The following MTCL2 variants were observed in gnomAD, a reference collection of about 807,000 sequenced individuals.
MTCL2 encodes microtubule crosslinking factor 2, also known as microtubule cross-linking factor 2.
At chr20:36,814,364 A>T in the MTCL2 span, among the ~76,000 whole-genome samples, 3 of 152,232 alleles carry the variant, frequency 2.0e-5, no homozygotes, top group African/African-American at 7.2e-5. Flanking sequence ...TATATGATAG[A>T]TGTGTAGAGA....
At chr20:36,793,503 T>A in the MTCL2 span, 1 of 1,551,732 alleles carries the variant, frequency 6.4e-7, no homozygotes, top group Middle Eastern at 1.7e-4. The surrounding 1 kb of genome is among the most constrained non-coding windows in gnomAD (Gnocchi z 6.8). Context: ...TCCTGCACAA[T>A]GCCGTACTTG....
chr20:36,804,876 G>A, the MTCL2 span: 400 of 1,613,750 alleles, frequency 2.5e-4, no homozygotes, highest in Middle Eastern at 5.0e-4. Flanking sequence ...CCTTCATGTC[G>A]GCCAGTGTCT....
the MTCL2 span, among the ~76,000 whole-genome samples, chr20:36,791,285 G>A: frequency 2.6e-5 from 4 of 151,468 alleles, no homozygotes; most frequent in African/African-American, 9.7e-5. Flanking sequence ...CACCCGCCTC[G>A]GCCTCCCAAA....
chr20:36,844,245 T>A, the MTCL2 span, among the ~76,000 whole-genome samples: 4 of 145,304 alleles, frequency 2.8e-5, no homozygotes, highest in East Asian at 2.1e-4. Context: ...CAGAAAAAAA[T>A]AAAATAAAAT....
the MTCL2 span, chr20:36,817,391 G>T: frequency 1.9e-6 from 3 of 1,568,662 alleles, no homozygotes; most frequent in Non-Finnish European, 2.6e-6. Flanking sequence ...TTCCTACGGG[G>T]GCTGCTGGGA....
chr20:36,841,785 G>T, the MTCL2 span, among the ~76,000 whole-genome samples: 4 of 151,802 alleles, frequency 2.6e-5, no homozygotes, highest in Admixed American at 6.6e-5. Flanking sequence ...TGCAACCTCT[G>T]CCTCCCAGGC....
At chr20:36,801,955 C>G in the MTCL2 span, among the ~76,000 whole-genome samples, 15 of 151,610 alleles carry the variant, frequency 9.9e-5, no homozygotes, top group Admixed American at 5.9e-4. Context: ...CAGAGTAAGA[C>G]TGTCTCAAAG....
chr20:36,826,350 T>C, the MTCL2 span, among the ~76,000 whole-genome samples: 8 of 488 alleles, frequency 0.016, 1 homozygote, highest in African/African-American at 0.029. Flanking sequence ...TCCCTCCCCC[T>C]CCCCCCTCCC....
the MTCL2 span, chr20:36,786,419 T>A: frequency 6.9e-7 from 1 of 1,459,186 alleles, no homozygotes; most frequent in Non-Finnish European, 9.1e-7. Flanking sequence ...CCTCGTCTCG[T>A]CTCTGCTGGT....
chr20:36,786,337 T>C, the MTCL2 span: 2 of 1,339,898 alleles, frequency 1.5e-6, no homozygotes, highest in African/African-American at 1.5e-5. Flanking sequence ...ATGTGAAAGC[T>C]GCATTCTGGC....
chr20:36,819,000 C>T, the MTCL2 span, among the ~76,000 whole-genome samples: 1 of 152,216 alleles, frequency 6.6e-6, no homozygotes, highest in East Asian at 1.9e-4. Flanking sequence ...ACTGAGATAC[C>T]GTTTCTCACC....
chr20:36,843,076 G>C, the MTCL2 span, among the ~76,000 whole-genome samples: 1 of 152,202 alleles, frequency 6.6e-6, no homozygotes, highest in Non-Finnish European at 1.5e-5. Flanking sequence ...CCGTCAGAGG[G>C]ACACCTCTGG....
At chr20:36,792,629 C>T in the MTCL2 span, among the ~76,000 whole-genome samples, 2 of 152,018 alleles carry the variant, frequency 1.3e-5, no homozygotes, top group African/African-American at 2.4e-5. Context: ...GGCCCCTTCC[C>T]TGGAGGGGAT....
chr20:36,853,078 C>T, the MTCL2 span, among the ~76,000 whole-genome samples: 1 of 151,250 alleles, frequency 6.6e-6, no homozygotes, highest in Non-Finnish European at 1.5e-5. Context: ...AAAAAAAGGT[C>T]CCGGGGAAAG....
the MTCL2 span, among the ~76,000 whole-genome samples, chr20:36,814,585 C>T: frequency 1.3e-5 from 2 of 152,022 alleles, no homozygotes; most frequent in Non-Finnish European, 2.9e-5. Flanking sequence ...TCCATCTCTA[C>T]AAAAAAATTT....
chr20:36,863,010 G>A, the MTCL2 span: 1 of 1,400,598 alleles, frequency 7.1e-7, no homozygotes, highest in Non-Finnish European at 9.3e-7. This position sits in a 1 kb window ranked among gnomAD's most constrained non-coding sequence, Gnocchi z 6.2. Flanking sequence ...GCTGGGGGGC[G>A]GCGGTGGCGG....
the MTCL2 span, chr20:36,862,725 A>T: frequency 4.1e-5 from 62 of 1,496,794 alleles, no homozygotes; most frequent in Non-Finnish European, 5.2e-5. Context: ...CCCGCAGTCC[A>T]GCATCTCCTC....
the MTCL2 span, among the ~76,000 whole-genome samples, chr20:36,820,182 T>C: frequency 2.6e-5 from 4 of 152,124 alleles, no homozygotes; most frequent in Non-Finnish European, 4.4e-5. Flanking sequence ...GGTGAACCCT[T>C]TCCTCTCCCT....
the MTCL2 span, among the ~76,000 whole-genome samples, chr20:36,836,546 G>C: frequency 6.6e-6 from 1 of 151,832 alleles, no homozygotes; most frequent in Non-Finnish European, 1.5e-5. Flanking sequence ...GTTTCACCAT[G>C]TTGGCCAGGC....
Sources: gnomAD v4.1 joint callset for allele counts (sites outside exome capture counted in the v4.1 genomes callset) on GRCh38, gnomAD v4.1.1 for gene constraint, Gnocchi (gnomAD v3.1) non-coding constraint, MANE v1.5 for transcripts, NCBI Gene and HGNC (gene_info 2026-07-23, HGNC 2026-07-21) for gene names.